The following ALPK1 variants were observed in gnomAD, a reference collection of about 807,000 sequenced individuals.
ALPK1 encodes the protein alpha kinase 1.
Under a neutral mutation model 120.6 loss-of-function variants are expected in ALPK1, and 110 were observed. The ratio of observed to expected loss-of-function variants is 0.91; its 90% CI spans 0.78 to 1.07. ALPK1 has a LOEUF of 1.07. Ranked by LOEUF, ALPK1 falls within the 50% of genes least tolerant of loss-of-function variation. The pLI, the probability that ALPK1 is intolerant of heterozygous loss-of-function variation, is 0.00. For missense variants in ALPK1, 1,498 were observed against 1,483.9 expected (o/e 1.01, Z -0.16); for synonymous variants, 582 against 560.3 (o/e 1.04, Z -0.55).
chr4:112,425,454 A>T, intron 6 of ALPK1: 1 of 389,856 alleles, frequency 2.6e-6, no homozygotes, highest in East Asian at 4.9e-5. Flanking sequence ...GAGTGGACAG[A>T]GAGTAAGTAG....
intron 4 of ALPK1, among the ~76,000 whole-genome samples, chr4:112,408,547 T>C (rs777306702): frequency 1.3e-4 from 20 of 151,966 alleles, no homozygotes; most frequent in Admixed American, 3.9e-4. Flanking sequence ...CTTGGCTCGC[T>C]ACAACCTCTG....
At chr4:112,357,183 T>G in intron 2 of ALPK1, 2 of 1,549,244 alleles carry the variant, frequency 1.3e-6, no homozygotes, top group East Asian at 4.5e-5. Context: ...TTTGAGCTGT[T>G]TGCTGAAGCC....
intron 2 of ALPK1, chr4:112,356,438 CACGGA>C: frequency 1.1e-6 from 1 of 939,018 alleles, no homozygotes; most frequent in East Asian, 2.5e-5. Flanking sequence ...TAGCTTGCTA[CACGGA>C]CATCCCAAAG....
intron 2 of ALPK1, among the ~76,000 whole-genome samples, chr4:112,321,349 T>C (rs1296946979): frequency 1.3e-5 from 2 of 152,214 alleles, no homozygotes; most frequent in South Asian, 2.1e-4. Context: ...TTTCATTTAG[T>C]TCTGCTCTGA....
intron 14 of ALPK1, 91 bp downstream of exon 14, chr4:112,439,963 T>A (rs1236722948): frequency 8.7e-7 from 1 of 1,145,520 alleles, no homozygotes; most frequent in South Asian, 1.6e-5. Context: ...CTTAATAGAT[T>A]GTTCCATGTA....
At chr4:112,435,097 T>C (rs773909036) in intron 11 of ALPK1, 51 bp from the exon 12 acceptor site, 2 of 1,566,620 alleles carry the variant, frequency 1.3e-6, no homozygotes, top group Non-Finnish European at 1.7e-6. Context: ...TATTCATGAA[T>C]TGTAACGTCC....
intron 2 of ALPK1, among the ~76,000 whole-genome samples, chr4:112,351,409 A>G (rs1730346873): frequency 6.6e-6 from 1 of 152,038 alleles, no homozygotes; most frequent in Non-Finnish European, 1.5e-5. Flanking sequence ...CATAGCAAAG[A>G]CCTTCATTTT....
intron 2 of ALPK1, among the ~76,000 whole-genome samples, chr4:112,377,218 C>T (rs1337797021): frequency 6.6e-6 from 1 of 152,138 alleles, no homozygotes; most frequent in East Asian, 1.9e-4. Context: ...CAAATTATAT[C>T]ATGCTAAATA....
intron 2 of ALPK1, among the ~76,000 whole-genome samples, chr4:112,338,381 C>T (rs1240358806): frequency 6.6e-6 from 1 of 152,034 alleles, no homozygotes; most frequent in Non-Finnish European, 1.5e-5. Context: ...GAGTTTTTTT[C>T]TATACTTTTT....
chr4:112,377,660 C>A lies in ALPK1; in HGVS notation c.-100-18C>A. The A allele has an allele frequency of 1.0e-6, 1 of 981,722 alleles. No individual in the cohort carries two copies. Among genetic ancestry groups the A allele is most frequent in the Non-Finnish European group, 1.4e-6 (1 of 696,054 alleles). 60.8% of individuals were successfully genotyped at this position (981,722 alleles called of 1,614,324 possible). A position where few individuals can be genotyped will look rare whatever the true frequency, so the allele number is the denominator to read the frequency against. ...TGATGCTTCAGTTAATCATCTTTCC[C>A]TCTCTTTTGTTCACCAGGTACTTCG... is the stretch of plus-strand genomic sequence containing the variant. On this transcript the variant is annotated intron_variant, in intron 2 of 15. Coordinates refer to ENST00000650871, the MANE Select transcript of ALPK1 (RefSeq NM_025144.4).
intron 2 of ALPK1, among the ~76,000 whole-genome samples, chr4:112,319,758 C>A (rs902236182): frequency 1.3e-5 from 2 of 152,174 alleles, no homozygotes; most frequent in African/African-American, 4.8e-5. Context: ...AGGTTTTTCA[C>A]CTCCTTGGTT....
chr4:112,356,070 T>C (rs1332231268), intron 2 of ALPK1: 11 of 946,432 alleles, frequency 1.2e-5, no homozygotes, highest in Non-Finnish European at 1.0e-5. Context: ...GGAGTGTTTT[T>C]TTCTCACAGA....
intron 1 of ALPK1, among the ~76,000 whole-genome samples, chr4:112,301,209 T>A (rs1218411245): frequency 6.6e-6 from 1 of 152,134 alleles, no homozygotes; most frequent in Non-Finnish European, 1.5e-5. Flanking sequence ...CCCCAAATAA[T>A]TATTGTGAAA....
chr4:112,426,454 T>TA lies in ALPK1; in HGVS notation c.623-13_623-12insA. ...TCCCCTGTCCCTCTCCCCGCCCCTC[T>TA]TTTTTTTTTCAGGGATGTGGTACGA... On this transcript the variant is annotated splice_polypyrimidine_tract_variant and intron_variant, in intron 7 of 15. Coordinates refer to ENST00000650871, the MANE Select transcript of ALPK1 (RefSeq NM_025144.4). The TA allele has an allele frequency of 7.5e-7, 1 of 1,338,814 alleles. No homozygotes were observed. Among genetic ancestry groups the TA allele is most frequent in the Non-Finnish European group, 1.0e-6 (1 of 1,002,688 alleles). The allele number at this position is 1,338,814 out of a possible 1,614,324, so 82.9% of individuals were successfully genotyped here. A position where few individuals can be genotyped will look rare whatever the true frequency, so the allele number is the denominator to read the frequency against.
chr4:112,368,872 C>T (rs1244690838), intron 2 of ALPK1, among the ~76,000 whole-genome samples: 1 of 152,164 alleles, frequency 6.6e-6, no homozygotes, highest in East Asian at 1.9e-4. Flanking sequence ...GCAGTCTCCA[C>T]TTAAATTCCT....
intron 4 of ALPK1, among the ~76,000 whole-genome samples, chr4:112,389,021 G>A (rs1306927555): frequency 6.6e-6 from 1 of 151,216 alleles, no homozygotes; most frequent in Non-Finnish European, 1.5e-5. Context: ...TTTCCATTCA[G>A]GGGCACACAA....
chr4:112,327,510 C>T (rs1729165109), intron 2 of ALPK1, among the ~76,000 whole-genome samples: 1 of 152,174 alleles, frequency 6.6e-6, no homozygotes, highest in Non-Finnish European at 1.5e-5. Flanking sequence ...TCATAGCTCA[C>T]TATAACCTTG....
rs1320836382 is a variant in ALPK1, at chr4:112,361,885, G to A, written c.-100-15793G>A. Among the ~76,000 whole-genome samples the A allele has an allele frequency of 2.0e-5, 3 of 152,248 alleles. No individual in the cohort carries two copies. The East Asian group carries it at 5.8e-4, about 29-fold the overall frequency. On this transcript the variant is annotated intron_variant, in intron 2 of 15. Transcript: ENST00000650871. ...AGTAGGTGCTGGTATCCATGGCTGAGAAGCCTGAAGATGGATCACATCACA... is the reference window on the plus strand; with the variant it reads ...AGTAGGTGCTGGTATCCATGGCTGAAAAGCCTGAAGATGGATCACATCACA...
At chr4:112,388,867 A>G (rs1378192273) in intron 4 of ALPK1, among the ~76,000 whole-genome samples, 2 of 152,158 alleles carry the variant, frequency 1.3e-5, no homozygotes, top group African/African-American at 2.4e-5. Flanking sequence ...CAGTTGCTCA[A>G]TCTATGTTCT....
Sources: gnomAD v4.1 joint callset for allele counts (sites outside exome capture counted in the v4.1 genomes callset) on GRCh38, gnomAD v4.1.1 for gene constraint, MANE v1.5 for transcripts, NCBI Gene and HGNC (gene_info 2026-07-23, HGNC 2026-07-21) for gene names.